RYR1: variants seen among roughly 807,000 people sequenced by gnomAD.
RYR1 encodes the protein central core disease of muscle.
A neutral mutation model predicts 583.5 loss-of-function variants in RYR1; 342 were observed. The ratio of observed to expected loss-of-function variants is 0.59; its 90% CI spans 0.54 to 0.64. The LOEUF (loss-of-function observed/expected upper bound fraction) is 0.64. RYR1 is among the 30% of genes least tolerant of loss of function. RYR1 has a pLI of 0.00. For synonymous variants in RYR1, 2,791 were observed against 2,822.5 expected (o/e 0.99, Z 0.35); for missense variants, 6,032 against 6,917.2 (o/e 0.87, Z 4.54).
rs768279246 is a variant in RYR1, at chr19:38,477,854, G to A, written c.4438G>A (p.Gly1480Ser). The A allele has an allele frequency of 6.2e-7, 1 of 1,613,474 alleles. No individual in the cohort carries two copies. Among genetic ancestry groups the A allele is most frequent in the Non-Finnish European group, 8.5e-7 (1 of 1,179,836 alleles). The change falls in exon 30 of 106, where the codon GGC (glycine) becomes AGC (serine). Residue 1480 changes from glycine (G) to serine (S), a missense_variant. Around this residue, in one of 11 missense-constraint regions of RYR1, gnomAD observed 2,627 missense variants for 2,961.3 expected, o/e 0.89. Transcript: ENST00000359596. ...GACGGTGACCATGGGGGATGAACAA[G>A]GCAACGTCCACAGCAGGTGCCGGGG... ...VVTVTMGDEQ[G>S]NVHSSLKCSN...
At chr19:38,437,051 T>TC (rs1491391251) in intron 1 of RYR1, among the ~76,000 whole-genome samples, 1 of 151,790 alleles carries the variant, frequency 6.6e-6, no homozygotes, top group Non-Finnish European at 1.5e-5. Flanking sequence ...ATTTTTTTTT[T>TC]CTTTTTCTTT....
In RYR1 at chr19:38,496,961, A is replaced by T. The variant is rs1304563325; in HGVS notation, c.6891+7A>T. 6.2e-7 allele frequency: 1 copy of T among 1,612,546 alleles called. No homozygotes were observed. The highest frequency in any genetic ancestry group is 8.5e-7 in the Non-Finnish European group (1 of 1,179,116). On this transcript the variant is annotated splice_region_variant and intron_variant, in intron 42 of 105. Transcript: ENST00000359596. This position sits in a 1 kb window ranked among gnomAD's most constrained non-coding sequence, Gnocchi z 4.8. ...GGAGCAGGACCTGGAAAAGGTGTGG[A>T]GGGCAGGGCTGGGCCCCAGGCCTAA...
intron 12 of RYR1, among the ~76,000 whole-genome samples, chr19:38,452,126 CAAAAAAAAAAA>C (rs66571762): frequency 2.9e-5 from 2 of 68,868 alleles, no homozygotes; most frequent in South Asian, 5.3e-4. Context: ...CCGCCTCTAC[CAAAAAAAAAAA>C]AAAAAAAAAA....
Position 38,561,327 on chromosome 19 carries a change from C to G in RYR1, c.12497C>G (p.Ala4166Gly). ...CGCCTGCACAACTTCCTGGAGCTGG[C>G]CGAGAGCATCCTTGAGTACTTCCGC... ...DPRLHNFLEL[A>G]ESILEYFRPY... is the part of the protein sequence containing the mutation. The change falls in exon 90 of 106, where the codon GCC (alanine) becomes GGC (glycine). Residue 4166 changes from alanine (A) to glycine (G), a missense_variant. By Grantham distance (60) the Ala-to-Gly change is moderately conservative. Transcript: ENST00000359596. This position sits in a 1 kb window ranked among gnomAD's most constrained non-coding sequence, Gnocchi z 4.8. 2 of 1,613,988 alleles carry G rather than the reference C, an allele frequency of 1.2e-6. No homozygotes were observed. Among genetic ancestry groups the G allele is most frequent in the Non-Finnish European group, 1.7e-6 (2 of 1,180,032 alleles).
chr19:38,542,234 A>G (rs1262641459), intron 84 of RYR1, among the ~76,000 whole-genome samples: 1 of 152,026 alleles, frequency 6.6e-6, no homozygotes, highest in Non-Finnish European at 1.5e-5. Flanking sequence ...TATACACTCA[A>G]TAAAATATGT....
At chr19:38,442,328 T>C (rs1362379755) in intron 2 of RYR1, 21 bp from the exon 3 acceptor site, 1 of 1,542,656 alleles carries the variant, frequency 6.5e-7, no homozygotes, top group Non-Finnish European at 9.0e-7. Flanking sequence ...ACCCCTCACT[T>C]ACATCCCCCT....
At chr19:38,453,574 G>A (rs368151043) in intron 13 of RYR1, among the ~76,000 whole-genome samples, 1 of 152,006 alleles carries the variant, frequency 6.6e-6, no homozygotes, top group African/African-American at 2.4e-5. Context: ...ATGGCGGGGA[G>A]AGACAGGAGA....
intron 60 of RYR1, among the ~76,000 whole-genome samples, chr19:38,511,351 C>T (rs1165416227): frequency 6.6e-6 from 1 of 151,974 alleles, no homozygotes; most frequent in African/African-American, 2.4e-5. Context: ...CTCACCTCCC[C>T]AGCATCCCAG....
At chr19:38,440,455 C>T (rs1972618803) in intron 1 of RYR1, among the ~76,000 whole-genome samples, 1 of 152,152 alleles carries the variant, frequency 6.6e-6, no homozygotes, top group Non-Finnish European at 1.5e-5. Context: ...AGGAGAATCG[C>T]TTGAACCCAG....
At chr19:38,539,177 G>A (rs1176803072) in intron 84 of RYR1, among the ~76,000 whole-genome samples, 1 of 150,150 alleles carries the variant, frequency 6.7e-6, no homozygotes, top group Non-Finnish European at 1.5e-5. Flanking sequence ...AAGCTCTTGT[G>A]TCCACAACGA....
chr19:38,523,434 A>C, intron 69 of RYR1, 125 bp downstream of exon 69: 1 of 1,057,364 alleles, frequency 9.5e-7, no homozygotes, highest in Non-Finnish European at 1.4e-6. Flanking sequence ...TCCTCAGAGC[A>C]GCCCCTCTTA....
Position 38,444,803 on chromosome 19 carries a change from C to T in RYR1, c.631+126C>T. 1 of 733,098 alleles carries T rather than the reference C, an allele frequency of 1.4e-6. No individual in the cohort carries two copies. Among genetic ancestry groups the T allele is most frequent in the Non-Finnish European group, 2.4e-6 (1 of 418,448 alleles). The allele number at this position is 733,098 out of a possible 1,614,324, so 45.4% of individuals were successfully genotyped here. On this transcript the variant is annotated intron_variant, in intron 7 of 105. Coordinates refer to ENST00000359596, the MANE Select transcript of RYR1 (RefSeq NM_000540.3). This position sits in a 1 kb window ranked among gnomAD's most constrained non-coding sequence, Gnocchi z 5.1. Reference sequence around the variant, plus strand: ...TCAAACCTAGATCTCCAAATTATGGCTCTCACACTTAGATCTCCAGCTGAC... The same window carrying T: ...TCAAACCTAGATCTCCAAATTATGGTTCTCACACTTAGATCTCCAGCTGAC...
intron 30 of RYR1, 32 bp from the exon 31 acceptor site, chr19:38,478,403 A>G (rs754976160): frequency 6.2e-7 from 1 of 1,610,028 alleles, no homozygotes; most frequent in South Asian, 1.1e-5. Flanking sequence ...TACTCACATG[A>G]GGAGTGCAGT....
intron 70 of RYR1, 98 bp downstream of exon 70, chr19:38,524,027 T>G: frequency 6.5e-6 from 9 of 1,386,674 alleles, no homozygotes; most frequent in Non-Finnish European, 6.0e-6. Context: ...CCTGCTTCTG[T>G]TCCCCACCCC....
chr19:38,584,857 G>T, intron 101 of RYR1, 86 bp from the exon 102 acceptor site: 1 of 1,535,026 alleles, frequency 6.5e-7, no homozygotes, highest in Non-Finnish European at 9.0e-7. Flanking sequence ...TCGTTACCAT[G>T]TCTTCAGCCC....
Position 38,573,299 on chromosome 19 carries a change from C to T in RYR1, c.14121C>T (p.Leu4707=). The T allele has an allele frequency of 6.2e-7, 1 of 1,613,430 alleles. No homozygotes were observed. Among genetic ancestry groups the T allele is most frequent in the Non-Finnish European group, 8.5e-7 (1 of 1,179,782 alleles). Residue 4707 remains leucine, a synonymous_variant, in exon 96 of 106, where the codon CTC becomes CTT. Coordinates refer to ENST00000359596, the MANE Select transcript of RYR1 (RefSeq NM_000540.3). Reference sequence around the variant, plus strand: ...AGGGGCAGTGGGACCGACTGGTGCTCAACACGCCGTAAGGACCCAGCCCCC... The same window carrying T: ...AGGGGCAGTGGGACCGACTGGTGCTTAACACGCCGTAAGGACCCAGCCCCC... The part of the protein sequence containing the change: ...DVKGQWDRLV[L]NTPSFPSNYW...
At chr19:38,532,867 G>A (rs1438885693) in intron 78 of RYR1, 131 bp downstream of exon 78, 2 of 885,802 alleles carry the variant, frequency 2.3e-6, no homozygotes, top group Non-Finnish European at 1.8e-6. Flanking sequence ...GTCCACTGGG[G>A]AGACAGATAC....
intron 36 of RYR1, 107 bp from the exon 37 acceptor site, chr19:38,490,514 G>A (rs558462446): frequency 2.4e-5 from 20 of 840,348 alleles, no homozygotes; most frequent in African/African-American, 2.0e-4. Flanking sequence ...CTCACACTTC[G>A]ACTCATGACC....
intron 28 of RYR1, among the ~76,000 whole-genome samples, chr19:38,474,490 T>A (rs1194642585): frequency 2.6e-5 from 4 of 151,098 alleles, no homozygotes; most frequent in African/African-American, 9.7e-5. Context: ...CTCAAACTCC[T>A]GACCTCAGGT....
Sources: allele counts gnomAD v4.1 joint callset (sites outside exome capture counted in the v4.1 genomes callset), GRCh38; gene constraint gnomAD v4.1.1; regional missense constraint gnomAD v4.1.1; non-coding constraint Gnocchi (gnomAD v3.1); transcripts MANE v1.5; gene names NCBI Gene and HGNC (gene_info 2026-07-23, HGNC 2026-07-21).